CATSPERG: variants seen among roughly 807,000 people sequenced by gnomAD.
The protein encoded by CATSPERG is cation channel sperm-associated auxiliary subunit gamma.
Under a neutral mutation model 145.0 loss-of-function variants are expected in CATSPERG, and 115 were observed. The ratio of observed to expected loss-of-function variants is 0.79; its 90% CI spans 0.68 to 0.93. The LOEUF is 0.93. Ranked by LOEUF, CATSPERG falls within the 40% of genes least tolerant of loss-of-function variation. CATSPERG has a pLI of 0.00. For missense variants in CATSPERG, 1,296 were observed against 1,490.1 expected (o/e 0.87, Z 2.14); for synonymous variants, 588 against 589.0 (o/e 1.00, Z 0.02).
chr19:38,352,595 C>CA, intron 8 of CATSPERG, 163 bp downstream of exon 8: 2 of 314,062 alleles, frequency 6.4e-6, no homozygotes, highest in Non-Finnish European at 1.2e-5. Flanking sequence ...TTGCCTTGCC[C>CA]TTTTTTTTTT....
rs1211188352 is a variant in CATSPERG, at chr19:38,358,568, C to A, written c.1496+7C>A. The A allele has an allele frequency of 6.2e-7, 1 of 1,613,988 alleles. No individual in the cohort carries two copies. Among genetic ancestry groups the A allele is most frequent in the Non-Finnish European group, 8.5e-7 (1 of 1,179,994 alleles). ...GCAACTTCCTCCTGCAGAGGTGGGCCTCTACCACCCCTGGGTGGGCCAGGC... is the reference window on the plus strand; with the variant it reads ...GCAACTTCCTCCTGCAGAGGTGGGCATCTACCACCCCTGGGTGGGCCAGGC... On this transcript the variant is annotated splice_region_variant and intron_variant, in intron 13 of 28. Transcript: ENST00000409235.
intron 3 of CATSPERG, among the ~76,000 whole-genome samples, chr19:38,342,863 A>G (rs1024325205): frequency 6.6e-6 from 1 of 151,580 alleles, no homozygotes; most frequent in Non-Finnish European, 1.5e-5. Flanking sequence ...ACCCTTTTCT[A>G]TTCAGCCAGG....
At chr19:38,358,608 C>T (rs1460074946) in intron 13 of CATSPERG, 47 bp downstream of exon 13, 8 of 1,612,228 alleles carry the variant, frequency 5.0e-6, no homozygotes, top group Non-Finnish European at 6.8e-6. Context: ...TCTGTCTCCC[C>T]AGCAACTTTA....
At chr19:38,364,000 G>T (rs952986747) in intron 20 of CATSPERG, among the ~76,000 whole-genome samples, 2 of 152,206 alleles carry the variant, frequency 1.3e-5, no homozygotes, top group Non-Finnish European at 2.9e-5. Context: ...AGACGGGGTG[G>T]TGGCCGGGCA....
chr19:38,366,649 G>T (rs528501817), intron 22 of CATSPERG: 2 of 154,836 alleles, frequency 1.3e-5, no homozygotes, highest in South Asian at 4.0e-4. Context: ...ACAAAACAGG[G>T]TGGGGGCAAA....
intron 8 of CATSPERG, among the ~76,000 whole-genome samples, chr19:38,353,518 C>G (rs905657913): frequency 6.6e-6 from 1 of 151,654 alleles, no homozygotes; most frequent in African/African-American, 2.4e-5. Flanking sequence ...GAAACCCCGT[C>G]TCTACTAAAA....
chr19:38,344,789 T>G (rs907155365), intron 6 of CATSPERG, among the ~76,000 whole-genome samples: 2 of 139,862 alleles, frequency 1.4e-5, no homozygotes, highest in East Asian at 2.1e-4. Context: ...ATATAGTACA[T>G]ACCTGTACAT....
intron 3 of CATSPERG, among the ~76,000 whole-genome samples, chr19:38,341,761 G>C (rs1969941663): frequency 6.6e-6 from 1 of 152,134 alleles, no homozygotes; most frequent in Admixed American, 6.6e-5. Context: ...AATTAGCCGG[G>C]CGTGGTGGCG....
At chr19:38,364,236 T>C (rs903205569) in intron 20 of CATSPERG, among the ~76,000 whole-genome samples, 4 of 149,816 alleles carry the variant, frequency 2.7e-5, no homozygotes, top group African/African-American at 9.9e-5. Context: ...GGGCTCCTCA[T>C]TTCTCAGACG....
intron 3 of CATSPERG, among the ~76,000 whole-genome samples, chr19:38,342,311 C>T (rs1280441729): frequency 6.6e-6 from 1 of 151,692 alleles, no homozygotes; most frequent in East Asian, 1.9e-4. Context: ...AAACAGTTTT[C>T]AAAGAAAGAA....
chr19:38,369,527 C>A, intron 26 of CATSPERG: 1 of 238,906 alleles, frequency 4.2e-6, no homozygotes, highest in Non-Finnish European at 8.5e-6. Flanking sequence ...TCCCAAAGTG[C>A]TGGTATTATA....
chr19:38,370,875 C>T lies in CATSPERG; in HGVS notation c.*83C>T. On this transcript the variant is annotated 3_prime_UTR_variant, in exon 29 of 29. Coordinates refer to ENST00000409235, the MANE Select transcript of CATSPERG (RefSeq NM_021185.5). ...TGAAGATGCAACCTGTCACCCAGCCCAGGCCTCTCTTTCTGTTTTGCTTGA... is the reference window on the plus strand; with the variant it reads ...TGAAGATGCAACCTGTCACCCAGCCTAGGCCTCTCTTTCTGTTTTGCTTGA... 1 of 1,445,046 alleles carries T rather than the reference C, an allele frequency of 6.9e-7. No individual in the cohort carries two copies. The highest frequency in any genetic ancestry group is 9.5e-7 in the Non-Finnish European group (1 of 1,049,788). 89.5% of individuals were successfully genotyped at this position (1,445,046 alleles called of 1,614,324 possible).
Position 38,370,357 on chromosome 19 carries a change from T to C in CATSPERG, c.3213+99T>C. The C allele has an allele frequency of 7.1e-6, 10 of 1,409,378 alleles. No individual in the cohort carries two copies. The South Asian group carries it at 1.2e-4, about 17-fold the overall frequency. The allele number at this position is 1,409,378 out of a possible 1,614,324, so 87.3% of individuals were successfully genotyped here. A position where few individuals can be genotyped will look rare whatever the true frequency, so the allele number is the denominator to read the frequency against. ...TTCGCTCATTCATTCCTTTATTCAC[T>C]CATCTAGCCATGCTGACTGAACGCC... On this transcript the variant is annotated intron_variant, in intron 28 of 28. Transcript: ENST00000409235.
rs368740414 is a variant in CATSPERG, at chr19:38,356,469, G to A, written c.1136-15G>A. ...AGGGAGAGGGCCTGAACATGAACCCGACCTTGCTCTGCAGATGGCCAGGTG... is the reference window on the plus strand; with the variant it reads ...AGGGAGAGGGCCTGAACATGAACCCAACCTTGCTCTGCAGATGGCCAGGTG... On this transcript the variant is annotated splice_polypyrimidine_tract_variant and intron_variant, in intron 9 of 28. Transcript: ENST00000409235. The A allele has an allele frequency of 1.5e-5, 24 of 1,613,590 alleles. No individual in the cohort carries two copies. The highest frequency in any genetic ancestry group is 2.2e-5 in the South Asian group (2 of 91,048).
In CATSPERG at chr19:38,337,337, C is replaced by T; in HGVS notation, c.103C>T (p.Leu35=). 16 of 1,551,184 alleles carry T rather than the reference C, an allele frequency of 1.0e-5. No individual in the cohort carries two copies. The highest frequency in any genetic ancestry group is 1.4e-5 in the Non-Finnish European group (16 of 1,146,882). Residue 35 remains leucine (L), a synonymous_variant, in exon 2 of 29, where the codon CTG becomes TTG. Transcript: ENST00000409235. ...GGCAGTGCTCCTGGCGTCGTGGAGG[C>T]TGTGGGCGATCAAGGATTTCCAGGA... ...LLAVLLASWR[L]WAIKDFQECT...
chr19:38,340,237 G>A (rs1969914411), intron 3 of CATSPERG, among the ~76,000 whole-genome samples: 1 of 151,636 alleles, frequency 6.6e-6, no homozygotes, highest in African/African-American at 2.4e-5. Context: ...GTTTCTTTCT[G>A]GACTCAATTC....
At chr19:38,357,224 T>C (rs1405400060) in intron 11 of CATSPERG, among the ~76,000 whole-genome samples, 1 of 151,896 alleles carries the variant, frequency 6.6e-6, no homozygotes, top group Non-Finnish European at 1.5e-5. Context: ...GAAGAAATTC[T>C]AAAGGGCTAG....
intron 4 of CATSPERG, 107 bp from the exon 5 acceptor site, chr19:38,343,886 C>T (rs578123472): frequency 3.9e-5 from 56 of 1,442,632 alleles, no homozygotes; most frequent in African/African-American, 1.8e-4. Flanking sequence ...GGACCCATGG[C>T]GTGGAGGCAG....
rs747369415 is a variant in CATSPERG at position 38,354,730 on chromosome 19, G to A, written c.1018G>A (p.Ala340Thr). The A allele has an allele frequency of 1.9e-5, 30 of 1,614,032 alleles. No homozygotes were observed. The highest frequency in any genetic ancestry group is 2.4e-5 in the Non-Finnish European group (28 of 1,179,998). ...RGSGSWIRVL[A>T]SECIKKLCPV... ...ACTAGGCAGTTGGATTCGTGTCCTG[G>A]CCAGCGAGTGCATCAAGAAGCTGTG... Residue 340 changes from alanine (A) to threonine (T), a missense_variant, in exon 9 of 29, where the codon GCC (alanine) becomes ACC (threonine). Transcript: ENST00000409235.
Sources: allele counts gnomAD v4.1 joint callset (sites outside exome capture counted in the v4.1 genomes callset), GRCh38; gene constraint gnomAD v4.1.1; transcripts MANE v1.5; gene names NCBI Gene and HGNC (gene_info 2026-07-23, HGNC 2026-07-21).